CXADR: variants seen among roughly 807,000 people sequenced by gnomAD.
The protein encoded by CXADR is CXADR cell adhesion molecule, also known as coxsackievirus and adenovirus receptor.
A neutral mutation model predicts 40.3 loss-of-function variants in CXADR; 20 were observed. That is an observed-to-expected ratio of 0.50 (90% CI 0.35 to 0.72). The LOEUF is 0.72. CXADR is among the 30% of genes least tolerant of loss of function. CXADR has a pLI of 0.01. For missense variants in CXADR, 332 were observed against 449.1 expected, an observed-to-expected ratio of 0.74 and a Z score of 2.36; for synonymous variants, 150 against 161.3, an observed-to-expected ratio of 0.93 and a Z score of 0.53.
chr21:17,546,201 T>G (rs2060895014), intron 1 of CXADR, among the ~76,000 whole-genome samples: 1 of 152,220 alleles, frequency 6.6e-6, no homozygotes, highest in Non-Finnish European at 1.5e-5. Flanking sequence ...TTAAATCTAA[T>G]AAAAATTTAA....
intron 1 of CXADR, among the ~76,000 whole-genome samples, chr21:17,533,419 G>A (rs1482652831): frequency 6.6e-6 from 1 of 152,122 alleles, no homozygotes; most frequent in African/African-American, 2.4e-5. Flanking sequence ...ATTTTATAGT[G>A]ACTTCAGAAA....
the CXADR span, among the ~76,000 whole-genome samples, chr21:17,630,650 C>CTTTTTTTTTTTTTTTTTTTTTTTTTTTTT: frequency 8.5e-6 from 1 of 116,998 alleles, no homozygotes; most frequent in Non-Finnish European, 1.7e-5. Flanking sequence ...CTTCCTTCTT[C>CTTTTTTTTTTTTTTTTTTTTTTTTTTTTT]TTTTTTTTTT....
At chr21:17,524,580 A>G (rs1290230040) in intron 1 of CXADR, among the ~76,000 whole-genome samples, 1 of 95,768 alleles carries the variant, frequency 1.0e-5, no homozygotes, top group East Asian at 2.6e-4. Context: ...TATCTCAAAA[A>G]AAAAAAAAAA....
chr21:17,542,694 G>A (rs977811757), intron 1 of CXADR, among the ~76,000 whole-genome samples: 3 of 152,272 alleles, frequency 2.0e-5, no homozygotes, highest in Middle Eastern at 3.4e-3. Context: ...ATAATGTGCC[G>A]CATATTTTAT....
At chr21:17,530,330 T>C in intron 1 of CXADR, 1 of 439,216 alleles carries the variant, frequency 2.3e-6, no homozygotes, top group Non-Finnish European at 4.5e-6. Context: ...ACATTTTATA[T>C]AAATAGAATT....
At position 17,561,544 on chromosome 21, in the gene CXADR, C is replaced by T. The variant is rs1003373738; in HGVS notation, c.833+68C>T. ...ATGTCATTTCTCTAAAGCATTCGTTCTCTTATTAACCACCCAAAGCATCTT... is the reference window on the plus strand; with the variant it reads ...ATGTCATTTCTCTAAAGCATTCGTTTTCTTATTAACCACCCAAAGCATCTT... On this transcript the variant is annotated intron_variant, in intron 6 of 6. Transcript: ENST00000284878. 31 of 1,340,614 alleles carry T rather than the reference C, an allele frequency of 2.3e-5. No homozygotes were observed. The South Asian group carries it at 3.8e-4, about 17-fold the overall frequency. The allele number at this position is 1,340,614 out of a possible 1,614,324, so 83.0% of individuals were successfully genotyped here.
chr21:17,543,414 A>T (rs531420749), intron 1 of CXADR, among the ~76,000 whole-genome samples: 1 of 152,312 alleles, frequency 6.6e-6, no homozygotes, highest in East Asian at 1.9e-4. Context: ...AACTTTTACA[A>T]ATGTAGGTGT....
At chr21:17,515,555 T>C (rs1382288989) in intron 1 of CXADR, among the ~76,000 whole-genome samples, 1 of 152,204 alleles carries the variant, frequency 6.6e-6, no homozygotes, top group Non-Finnish European at 1.5e-5. Flanking sequence ...CTCACGCCTG[T>C]AATCCCAGCA....
intron 1 of CXADR, among the ~76,000 whole-genome samples, chr21:17,519,352 T>A (rs904098545): frequency 1.3e-5 from 2 of 152,246 alleles, no homozygotes; most frequent in African/African-American, 4.8e-5. Flanking sequence ...GGCCTGTGTG[T>A]ATGATAGAGC....
chr21:17,628,229 G>T, the CXADR span, among the ~76,000 whole-genome samples: 3 of 152,302 alleles, frequency 2.0e-5, no homozygotes, highest in East Asian at 5.8e-4. Flanking sequence ...CAGAGAAACA[G>T]AACCAATAAG....
At chr21:17,580,516 G>A (rs1002732747) in intron 7 of CXADR, among the ~76,000 whole-genome samples, 7 of 152,118 alleles carry the variant, frequency 4.6e-5, no homozygotes, top group African/African-American at 4.8e-5. Context: ...GGCTGAAGTA[G>A]GAGGATCACC....
At chr21:17,524,196 C>CATT (rs1569077418) in intron 1 of CXADR, among the ~76,000 whole-genome samples, 1 of 151,920 alleles carries the variant, frequency 6.6e-6, no homozygotes, top group Non-Finnish European at 1.5e-5. Flanking sequence ...GCCTGGCCTA[C>CATT]ATTGATCTCT....
chr21:17,632,652 G>A, the CXADR span, among the ~76,000 whole-genome samples: 1 of 152,084 alleles, frequency 6.6e-6, no homozygotes, highest in Admixed American at 6.6e-5. Context: ...CGGATCACGA[G>A]GTCAGAAGAT....
chr21:17,627,057 A>C, the CXADR span: 1 of 152,224 alleles, frequency 6.6e-6, no homozygotes, highest in Admixed American at 6.5e-5. Flanking sequence ...GGGGTAAGGC[A>C]TTTTAAGAAC....
rs938984986 is a variant in CXADR at position 17,585,526 on chromosome 21, TA to T, written c.1018-7625del. Reference sequence around the variant, plus strand: ...TTTGTGCTTCTGGGTGTTTAATTATTATTTTTTTTTGAGACCGAGTCTCGCT... The same window carrying T: ...TTTGTGCTTCTGGGTGTTTAATTATTTTTTTTTTTGAGACCGAGTCTCGCT... On this transcript the variant is annotated intron_variant, in intron 7 of 7. Transcript: ENST00000400169. 1.5e-3 allele frequency among the ~76,000 whole-genome samples: 228 copies of T among 149,916 alleles called. 1 individual carries two copies. The highest frequency in any genetic ancestry group is 5.3e-3 in the African/African-American group (214 of 40,254).
chr21:17,534,019 T>TATATATATATATATATATATATATACAC (rs1555864922), intron 1 of CXADR, among the ~76,000 whole-genome samples: 2 of 81,394 alleles, frequency 2.5e-5, no homozygotes, highest in Non-Finnish European at 5.5e-5. Context: ...TATATATATA[T>TATATATATATATATATATATATATACAC]ATATATATAG....
chr21:17,594,262 C>G, downstream of CXADR: 1 of 1,613,164 alleles, frequency 6.2e-7, no homozygotes, highest in Non-Finnish European at 8.5e-7. Flanking sequence ...GCCATTCCCT[C>G]GATACATTCC....
the CXADR span, among the ~76,000 whole-genome samples, chr21:17,621,629 G>A: frequency 6.6e-6 from 1 of 152,148 alleles, no homozygotes; most frequent in Non-Finnish European, 1.5e-5. Context: ...ACAGGATTAG[G>A]TGCCTTTATA....
chr21:17,587,215 T>C (rs922190651), intron 7 of CXADR, among the ~76,000 whole-genome samples: 1 of 152,220 alleles, frequency 6.6e-6, no homozygotes, highest in Non-Finnish European at 1.5e-5. Context: ...GCATGTGTCC[T>C]TATAGCAGCA....
Sources: allele counts gnomAD v4.1 joint callset (sites outside exome capture counted in the v4.1 genomes callset), GRCh38; gene constraint gnomAD v4.1.1; transcripts MANE v1.5; gene names NCBI Gene and HGNC (gene_info 2026-07-23, HGNC 2026-07-21).